CFAP299: variants seen among roughly 807,000 people sequenced by gnomAD.
CFAP299 encodes cilia and flagella associated protein 299.
In CFAP299, 21 loss-of-function variants were observed where a neutral mutation model predicts 27.0. The observed-to-expected ratio is 0.78, with a 90% CI of 0.55 to 1.12. The LOEUF (loss-of-function observed/expected upper bound fraction) is 1.12. Ranked by LOEUF, CFAP299 falls within the 50% of genes most tolerant of loss-of-function variation. CFAP299 has a pLI of 0.00. For synonymous variants in CFAP299, 104 were observed against 98.1 expected, an observed-to-expected ratio of 1.06 and a Z score of -0.36; for missense variants, 310 against 276.6, an observed-to-expected ratio of 1.12 and a Z score of -0.86.
intron 2 of CFAP299, among the ~76,000 whole-genome samples, chr4:80,504,505 A>ATATATATATTTTTT (rs1483255216): frequency 3.6e-5 from 4 of 110,182 alleles, no homozygotes; most frequent in Non-Finnish European, 7.5e-5. Flanking sequence ...ATATATATAT[A>ATATATATATTTTTT]TTTTCCTTTG....
chr4:80,907,853 T>C (rs1375485665), intron 4 of CFAP299, among the ~76,000 whole-genome samples: 1 of 152,180 alleles, frequency 6.6e-6, no homozygotes, highest in Admixed American at 6.5e-5. Flanking sequence ...GTTTTTATTA[T>C]GAATCTCCCT....
intron 4 of CFAP299, among the ~76,000 whole-genome samples, chr4:80,932,036 G>T (rs1449436158): frequency 6.6e-6 from 1 of 152,118 alleles, no homozygotes; most frequent in Non-Finnish European, 1.5e-5. Context: ...AGCCTGAGAA[G>T]TCTGACATAT....
chr4:80,364,989 C>T (rs1268594665), intron 2 of CFAP299, among the ~76,000 whole-genome samples: 1 of 152,094 alleles, frequency 6.6e-6, no homozygotes, highest in Admixed American at 6.6e-5. Flanking sequence ...ACCATATTTT[C>T]TTTTTTCAGT....
At chr4:80,436,594 G>T (rs189625612) in intron 2 of CFAP299, among the ~76,000 whole-genome samples, 1 of 152,280 alleles carries the variant, frequency 6.6e-6, no homozygotes, top group African/African-American at 2.4e-5. Context: ...GAGCCACCGT[G>T]CCTGGCCAAA....
chr4:80,549,055 A>C (rs2110207491), intron 2 of CFAP299, among the ~76,000 whole-genome samples: 1 of 152,250 alleles, frequency 6.6e-6, no homozygotes, highest in Non-Finnish European at 1.5e-5. Context: ...GAGAGTAGTG[A>C]GAGGAAGAGA....
chr4:80,386,515 G>C (rs879418605), intron 2 of CFAP299: 15 of 1,430,650 alleles, frequency 1.0e-5, no homozygotes, highest in Middle Eastern at 3.6e-4. Context: ...GCGGTGGTGG[G>C]GGGGGGGGGT....
chr4:80,780,992 AAT>A (rs1413053239), intron 3 of CFAP299, among the ~76,000 whole-genome samples: 1 of 151,928 alleles, frequency 6.6e-6, no homozygotes, highest in East Asian at 1.9e-4. Flanking sequence ...TGTATTATGT[AAT>A]TATTATATAC....
chr4:80,882,266 A>G (rs182606672), intron 4 of CFAP299, among the ~76,000 whole-genome samples: 1 of 152,306 alleles, frequency 6.6e-6, no homozygotes, highest in East Asian at 1.9e-4. Flanking sequence ...AAGGAACCCA[A>G]ATAGGTTGAA....
At chr4:80,710,483 C>CTTT (rs372010060) in intron 3 of CFAP299, among the ~76,000 whole-genome samples, 193 of 95,064 alleles carry the variant, frequency 2.0e-3, no homozygotes, top group African/African-American at 7.1e-3. Context: ...TTTTCTTTTT[C>CTTT]TTTTTTTTTT....
intron 2 of CFAP299, among the ~76,000 whole-genome samples, chr4:80,566,276 A>T (rs567447032): frequency 1.3e-5 from 2 of 152,014 alleles, no homozygotes; most frequent in African/African-American, 2.4e-5. Flanking sequence ...AGCCTTTCTA[A>T]TAGTATTTTT....
chr4:80,669,957 C>T (rs972549171), intron 3 of CFAP299, among the ~76,000 whole-genome samples: 20 of 151,676 alleles, frequency 1.3e-4, no homozygotes, highest in Admixed American at 3.9e-4. Flanking sequence ...AAAAAAAACC[C>T]GTAGTGCGTC....
intron 3 of CFAP299, among the ~76,000 whole-genome samples, chr4:80,858,669 C>T (rs1000931352): frequency 3.9e-5 from 6 of 152,008 alleles, no homozygotes; most frequent in Non-Finnish European, 7.4e-5. Flanking sequence ...ATTATGTACC[C>T]AGTAGTCATT....
At chr4:80,607,395 A>G (rs1243421852) in intron 3 of CFAP299, among the ~76,000 whole-genome samples, 1 of 76,668 alleles carries the variant, frequency 1.3e-5, no homozygotes, top group Non-Finnish European at 2.5e-5. Context: ...CTTAAAAGCA[A>G]AAAGTAGAGG....
intron 2 of CFAP299, among the ~76,000 whole-genome samples, chr4:80,479,727 G>C (rs953505538): frequency 6.6e-6 from 1 of 151,976 alleles, no homozygotes; most frequent in African/African-American, 2.4e-5. Context: ...TAATTATGTA[G>C]AATGCTTATT....
chr4:80,462,956 T>C (rs942871479), intron 2 of CFAP299, among the ~76,000 whole-genome samples: 3 of 152,262 alleles, frequency 2.0e-5, no homozygotes, highest in African/African-American at 7.2e-5. Context: ...ACAGGAGAAG[T>C]TGACCCCTCA....
intron 2 of CFAP299, among the ~76,000 whole-genome samples, chr4:80,553,702 T>C (rs1005675922): frequency 6.6e-6 from 1 of 152,214 alleles, no homozygotes; most frequent in Non-Finnish European, 1.5e-5. Flanking sequence ...TTTTGACTGG[T>C]GTAAGATGGT....
intron 3 of CFAP299, among the ~76,000 whole-genome samples, chr4:80,752,744 A>C (rs1279302141): frequency 6.6e-6 from 1 of 151,878 alleles, no homozygotes; most frequent in Non-Finnish European, 1.5e-5. Context: ...AAGTATTTTT[A>C]CAATTTTATT....
Position 80,591,124 on chromosome 4 carries a change from T to TA in CFAP299, c.333+7941_333+7942insA, listed in dbSNP as rs1560643041. 7.6e-4 allele frequency among the ~76,000 whole-genome samples: 102 copies of TA among 134,702 alleles called. 2 individuals carry two copies. The highest frequency in any genetic ancestry group is 1.5e-3 in the East Asian group (7 of 4,740). The allele number at this position is 134,702 out of a possible 152,430, so 88.4% of individuals were successfully genotyped here. A position where few individuals can be genotyped will look rare whatever the true frequency, so the allele number is the denominator to read the frequency against. On this transcript the variant is annotated intron_variant, in intron 3 of 5. Transcript: ENST00000358105. ...TAGGAAATTTTTTTTTTTTTTTTTT[T>TA]TTTTTTTATTTTTTTTTGAGACGGA...
At chr4:80,420,760 ATTC>A (rs1727253270) in intron 2 of CFAP299, among the ~76,000 whole-genome samples, 1 of 151,648 alleles carries the variant, frequency 6.6e-6, no homozygotes, top group African/African-American at 2.4e-5. Flanking sequence ...GTGTCCTTTG[ATTC>A]TTATATCTTG....
Sources: allele counts gnomAD v4.1 joint callset (sites outside exome capture counted in the v4.1 genomes callset), GRCh38; gene constraint gnomAD v4.1.1; transcripts MANE v1.5; gene names NCBI Gene and HGNC (gene_info 2026-07-23, HGNC 2026-07-21).